TMEM132C: variants seen among roughly 807,000 people sequenced by gnomAD.
The protein encoded by TMEM132C is protein phosphatase 1, regulatory subunit 152.
A neutral mutation model predicts 61.4 loss-of-function variants in TMEM132C; 29 were observed. That is an observed-to-expected ratio of 0.47 (90% CI 0.35 to 0.64). The LOEUF is 0.64. Among genes scored for constraint, TMEM132C ranks in the 30% least tolerant of loss-of-function variants. The pLI, the probability that TMEM132C is intolerant of heterozygous loss-of-function variation, is 0.00. For synonymous variants in TMEM132C, 656 were observed against 633.1 expected, an observed-to-expected ratio of 1.04 and a Z score of -0.54; for missense variants, 1,408 against 1,476.9, an observed-to-expected ratio of 0.95 and a Z score of 0.76.
chr12:128,405,895 T>G (rs1875327490), intron 1 of TMEM132C, among the ~76,000 whole-genome samples: 1 of 152,034 alleles, frequency 6.6e-6, no homozygotes, highest in South Asian at 2.1e-4. Context: ...ACTCAAGAAG[T>G]TCTTGATAAA....
chr12:128,365,926 G>T (rs1270346678), intron 1 of TMEM132C, among the ~76,000 whole-genome samples: 1 of 152,186 alleles, frequency 6.6e-6, no homozygotes, highest in Non-Finnish European at 1.5e-5. Flanking sequence ...TTGTCACGGG[G>T]TGAAAGGAAG....
chr12:128,528,501 G>C (rs149962748), intron 2 of TMEM132C, among the ~76,000 whole-genome samples: 1 of 152,094 alleles, frequency 6.6e-6, no homozygotes, highest in Non-Finnish European at 1.5e-5. Context: ...ATCACACAGC[G>C]GTGTCTCCTG....
intron 3 of TMEM132C, among the ~76,000 whole-genome samples, chr12:128,602,330 A>G (rs1027960890): frequency 6.6e-6 from 1 of 152,230 alleles, no homozygotes; most frequent in African/African-American, 2.4e-5. Flanking sequence ...CAGGCATTGC[A>G]CTTGGTGTCT....
chr12:128,557,443 A>AAC (rs1425291675), intron 3 of TMEM132C, among the ~76,000 whole-genome samples: 3 of 152,222 alleles, frequency 2.0e-5, no homozygotes, highest in Admixed American at 2.0e-4. Flanking sequence ...GAAGGCTGGG[A>AAC]AGCTGATACT....
chr12:128,590,286 A>T (rs1875705477), intron 3 of TMEM132C, among the ~76,000 whole-genome samples: 2 of 152,220 alleles, frequency 1.3e-5, no homozygotes, highest in Admixed American at 1.3e-4. Flanking sequence ...ACTGCCTGTT[A>T]TGATGTCCTC....
At chr12:128,376,903 T>C (rs937688787) in intron 1 of TMEM132C, among the ~76,000 whole-genome samples, 1 of 152,182 alleles carries the variant, frequency 6.6e-6, no homozygotes, top group African/African-American at 2.4e-5. Flanking sequence ...TGCTATGGCG[T>C]GGACCCCCAA....
rs187007910 is a variant in TMEM132C at position 128,705,290 on chromosome 12, G to A, written c.2322G>A (p.Thr774=). Residue 774 remains threonine, a synonymous_variant, in exon 9 of 9, where the codon ACG becomes ACA. Transcript: ENST00000435159. ...GCCCACTGATCCGAGTGGACATGAC[G>A]ATCGCCGAGGCCTGCCAGAAATCTA... The part of the protein sequence containing the change: ...GQGPLIRVDM[T]IAEACQKSKR... 1.8e-4 allele frequency: 273 copies of A among 1,551,360 alleles called. 2 individuals carry two copies. The African/African-American group carries it at 3.5e-3, about 20-fold the overall frequency.
chr12:128,540,951 AC>A (rs1308590664), intron 2 of TMEM132C, among the ~76,000 whole-genome samples: 2 of 146,624 alleles, frequency 1.4e-5, no homozygotes, highest in South Asian at 2.1e-4. Flanking sequence ...CTGTCTGTCT[AC>A]TTCTCTCTCT....
At chr12:128,586,770 T>A (rs1875563481) in intron 3 of TMEM132C, among the ~76,000 whole-genome samples, 1 of 152,242 alleles carries the variant, frequency 6.6e-6, no homozygotes, top group African/African-American at 2.4e-5. Flanking sequence ...CTCTCATCCT[T>A]GCCTCATCCC....
In TMEM132C at chr12:128,638,917, GTGGTGA is replaced by G. The variant is rs1209466200; in HGVS notation, c.1305+22594_1305+22599del. 8.4e-3 allele frequency among the ~76,000 whole-genome samples: 652 copies of G among 78,040 alleles called. 8 individuals carry two copies. The highest frequency in any genetic ancestry group is 0.028 in the African/African-American group (620 of 21,902). 51.2% of individuals were successfully genotyped at this position (78,040 alleles called of 152,430 possible). ...GGTGATGGTGGTGATGGTGATGATG[GTGGTGA>G]TGGTGATGGTGGTGATGGTGATGAT... On this transcript the variant is annotated intron_variant, in intron 4 of 8. Transcript: ENST00000435159.
intron 2 of TMEM132C, among the ~76,000 whole-genome samples, chr12:128,440,261 G>A (rs1869738429): frequency 6.6e-6 from 1 of 152,116 alleles, no homozygotes; most frequent in Non-Finnish European, 1.5e-5. Flanking sequence ...TCTCTACAAG[G>A]CTTTAAACAT....
At chr12:128,303,966 G>A (rs2135920608) in intron 1 of TMEM132C, among the ~76,000 whole-genome samples, 1 of 152,154 alleles carries the variant, frequency 6.6e-6, no homozygotes, top group East Asian at 1.9e-4. Flanking sequence ...GGCCATTCTT[G>A]ACCAACGAGA....
chr12:128,340,813 CTCTTTCTTTCTG>C (rs1343010010), intron 1 of TMEM132C, among the ~76,000 whole-genome samples: 2 of 131,824 alleles, frequency 1.5e-5, no homozygotes, highest in Non-Finnish European at 1.6e-5. Context: ...CTTTCTTTCT[CTCTTTCTTTCTG>C]TCTTTCTCTC....
intron 3 of TMEM132C, among the ~76,000 whole-genome samples, chr12:128,558,809 A>C (rs897772963): frequency 6.6e-6 from 1 of 152,262 alleles, no homozygotes; most frequent in Non-Finnish European, 1.5e-5. Flanking sequence ...GTGATTGACT[A>C]TTCTTTGCTT....
chr12:128,353,041 A>T (rs566722249), intron 1 of TMEM132C, among the ~76,000 whole-genome samples: 1 of 152,170 alleles, frequency 6.6e-6, no homozygotes, highest in African/African-American at 2.4e-5. Context: ...ATACTTGGCT[A>T]TTCTGTCCAT....
At chr12:128,697,479 A>G in intron 8 of TMEM132C, 64 bp downstream of exon 8, 1 of 1,451,872 alleles carries the variant, frequency 6.9e-7, no homozygotes, top group South Asian at 1.4e-5. Context: ...GCTTCAGCAA[A>G]GGGGCAGGGT....
intron 2 of TMEM132C, among the ~76,000 whole-genome samples, chr12:128,535,120 C>G (rs549806002): frequency 6.6e-6 from 1 of 152,306 alleles, no homozygotes; most frequent in East Asian, 1.9e-4. Flanking sequence ...TGATCTTCGT[C>G]CCTCAAGCAC....
intron 3 of TMEM132C, among the ~76,000 whole-genome samples, chr12:128,602,519 G>A (rs1206038584): frequency 6.6e-6 from 1 of 152,232 alleles, no homozygotes; most frequent in African/African-American, 2.4e-5. Flanking sequence ...AGGTCTTCAG[G>A]TATTCACCCT....
At chr12:128,296,289 A>G (rs1566046632) in intron 1 of TMEM132C, among the ~76,000 whole-genome samples, 1 of 152,310 alleles carries the variant, frequency 6.6e-6, no homozygotes, top group South Asian at 2.1e-4. Context: ...GTAAGGAAAC[A>G]TATTATCTTA....
Sources: gnomAD v4.1 joint callset for allele counts (sites outside exome capture counted in the v4.1 genomes callset) on GRCh38, gnomAD v4.1.1 for gene constraint, MANE v1.5 for transcripts, NCBI Gene and HGNC (gene_info 2026-07-23, HGNC 2026-07-21) for gene names.